The following PLEKHG3 variants were observed in gnomAD, a reference collection of about 807,000 sequenced individuals.
PLEKHG3 encodes the protein pleckstrin homology domain-containing family G member 3.
A neutral mutation model predicts 94.9 loss-of-function variants in PLEKHG3; 62 were observed. The observed-to-expected ratio is 0.65, with a 90% confidence interval of 0.53 to 0.81. The LOEUF (loss-of-function observed/expected upper bound fraction) is 0.81. Among genes scored for constraint, PLEKHG3 ranks in the 30% least tolerant of loss-of-function variants. The pLI is 0.00. For synonymous variants in PLEKHG3, 614 were observed against 654.0 expected, an observed-to-expected ratio of 0.94 and a Z score of 0.93; for missense variants, 1,461 against 1,619.3, an observed-to-expected ratio of 0.90 and a Z score of 1.68.
chr14:64,729,309 G>C (rs28685073), intron 3 of PLEKHG3, among the ~76,000 whole-genome samples: 5,289 of 152,272 alleles, frequency 0.035, 321 homozygotes, highest in African/African-American at 0.12. Flanking sequence ...TTGTGTGCAT[G>C]TTGGGTCCAT....
Position 64,722,795 on chromosome 14 carries a change from A to G in PLEKHG3, c.-39-4798A>G, listed in dbSNP as rs1313031302. 4.0e-5 allele frequency among the ~76,000 whole-genome samples: 6 copies of G among 151,866 alleles called. No individual in the cohort carries two copies. The highest frequency in any genetic ancestry group is 4.4e-5 in the Non-Finnish European group (3 of 67,962). ...CTTCCCCTCTCCTGCCTTGTCCTCA[A>G]CTCACTGGCCTGGGAGGGAGAGCCA... On this transcript the variant is annotated intron_variant, in intron 1 of 16. Coordinates refer to ENST00000247226, the MANE Select transcript of PLEKHG3 (RefSeq NM_001308147.2). The surrounding 1 kb of genome is among the most constrained non-coding windows in gnomAD (Gnocchi z 4.3).
At position 64,741,458 on chromosome 14, in the gene PLEKHG3, C is replaced by T. The variant is rs951951524; in HGVS notation, c.1941C>T (p.Ser647=). 11 of 1,612,656 alleles carry T rather than the reference C, an allele frequency of 6.8e-6. No individual in the cohort carries two copies. The highest frequency in any genetic ancestry group is 1.6e-4 in the Middle Eastern group (1 of 6,062). ...RSSSVLSLEG[S]EKGLARHGSA... ...GCAGCGTGCTCAGCCTGGAGGGCAGCGAGAAGGGCCTGGCCCGGCATGGCA... is the reference window on the plus strand; with the variant it reads ...GCAGCGTGCTCAGCCTGGAGGGCAGTGAGAAGGGCCTGGCCCGGCATGGCA... Residue 647 remains serine (S), a synonymous_variant, in exon 16 of 17, where the codon AGC becomes AGT. Transcript: ENST00000247226.
chr14:64,737,721 C>A, intron 14 of PLEKHG3: 1 of 386,460 alleles, frequency 2.6e-6, no homozygotes, highest in Non-Finnish European at 4.6e-6. Context: ...AATGCCCACC[C>A]CTCCCTGGAC....
intron 1 of PLEKHG3, among the ~76,000 whole-genome samples, chr14:64,708,134 G>A (rs2081002819): frequency 1.3e-5 from 2 of 152,170 alleles, no homozygotes; most frequent in Admixed American, 6.5e-5. Flanking sequence ...TTCTGGTTAG[G>A]GAGGCTTTCC....
intron 1 of PLEKHG3, among the ~76,000 whole-genome samples, chr14:64,714,000 C>T (rs902383347): frequency 3.9e-5 from 6 of 151,964 alleles, no homozygotes; most frequent in African/African-American, 1.4e-4. Flanking sequence ...CTACCATCTT[C>T]TTTTATTAAG....
At chr14:64,719,001 G>A (rs1213073858) in intron 1 of PLEKHG3, among the ~76,000 whole-genome samples, 3 of 152,250 alleles carry the variant, frequency 2.0e-5, no homozygotes, top group Admixed American at 1.3e-4. Context: ...AGAGGAATGC[G>A]CCTCTGGGAT....
rs148981618 is a variant in PLEKHG3, at chr14:64,731,020, C to T, written c.718-18C>T. The T allele has an allele frequency of 1.3e-5, 21 of 1,613,960 alleles. No individual in the cohort carries two copies. The East Asian group carries it at 2.7e-4, about 21-fold the overall frequency. On this transcript the variant is annotated intron_variant, in intron 6 of 16. Coordinates refer to ENST00000247226, the MANE Select transcript of PLEKHG3 (RefSeq NM_001308147.2). This position sits in a 1 kb window ranked among gnomAD's most constrained non-coding sequence, Gnocchi z 6.1. Reference sequence around the variant, plus strand: ...GGCCTTCGGGTCAGGGGCACCTAAGCGTCTATCTTCTGCGCAGGAAATTGC... The same window carrying T: ...GGCCTTCGGGTCAGGGGCACCTAAGTGTCTATCTTCTGCGCAGGAAATTGC...
intron 1 of PLEKHG3, among the ~76,000 whole-genome samples, chr14:64,708,256 T>A (rs897615628): frequency 5.1e-4 from 78 of 152,128 alleles, no homozygotes; most frequent in Non-Finnish European, 1.8e-4. Context: ...ACCCCCCTCT[T>A]GCTCTGGAAT....
rs1413823443 is a variant in PLEKHG3, at chr14:64,725,138, A to G, written c.-39-2455A>G. Among the ~76,000 whole-genome samples, 1 of 152,218 alleles carries G rather than the reference A, an allele frequency of 6.6e-6. No individual in the cohort carries two copies. Among genetic ancestry groups the G allele is most frequent in the African/African-American group, 2.4e-5 (1 of 41,464 alleles). On this transcript the variant is annotated intron_variant, in intron 1 of 16. Transcript: ENST00000247226. The surrounding 1 kb of genome is among the most constrained non-coding windows in gnomAD (Gnocchi z 5.0). ...GCTATCCTCTTACAGTGGGATCCCC[A>G]GAGAGGGACCCTCAAAAGGTCCCTT...
rs759388808 is a variant in PLEKHG3, at chr14:64,743,563, C to T, written c.3520C>T (p.Leu1174=). 1 of 1,612,936 alleles carries T rather than the reference C, an allele frequency of 6.2e-7. No homozygotes were observed. The highest frequency in any genetic ancestry group is 8.5e-7 in the Non-Finnish European group (1 of 1,179,910). The part of the protein sequence containing the change: ...GQGPSSPVAL[L]GQVQDFQQSA... ...GGGACCAAGCTCACCGGTGGCCCTG[C>T]TGGGGCAGGTTCAGGACTTCCAGCA... Residue 1174 remains leucine (L), a synonymous_variant, in exon 17 of 17, where the codon CTG becomes TTG. Coordinates refer to ENST00000247226, the MANE Select transcript of PLEKHG3 (RefSeq NM_001308147.2). The surrounding 1 kb of genome is among the most constrained non-coding windows in gnomAD (Gnocchi z 7.2).
Position 64,728,115 on chromosome 14 carries a change from G to A in PLEKHG3, c.351+133G>A, listed in dbSNP as rs1010365889. On this transcript the variant is annotated intron_variant, in intron 2 of 16. Coordinates refer to ENST00000247226, the MANE Select transcript of PLEKHG3 (RefSeq NM_001308147.2). This position sits in a 1 kb window ranked among gnomAD's most constrained non-coding sequence, Gnocchi z 5.9. ...GTCTCCCACCCTCGCTGACTGCACT[G>A]TGAAAGCTGTTGACCCCTGAGGCTT... 6.4e-6 allele frequency: 4 copies of A among 625,482 alleles called. No homozygotes were observed. In the Admixed American group the frequency reaches 9.3e-5, roughly 15 times the overall value. 38.7% of individuals were successfully genotyped at this position (625,482 alleles called of 1,614,324 possible). A position where few individuals can be genotyped will look rare whatever the true frequency, so the allele number is the denominator to read the frequency against.
Position 64,749,541 on chromosome 14 carries a change from A to G in PLEKHG3, c.*5838A>G. On this transcript the variant is annotated 3_prime_UTR_variant, in exon 17 of 17. Coordinates refer to ENST00000247226, the MANE Select transcript of PLEKHG3 (RefSeq NM_001308147.2). The surrounding 1 kb of genome is among the most constrained non-coding windows in gnomAD (Gnocchi z 4.7). ...CCCCCACCTCCCGGGCCAGGCAACA[A>G]TGGTGGGGGCTCTTGGGACTGCCCC... 6.2e-7 allele frequency: 1 copy of G among 1,600,892 alleles called. No individual in the cohort carries two copies. The highest frequency in any genetic ancestry group is 8.5e-7 in the Non-Finnish European group (1 of 1,178,000).
Position 64,718,346 on chromosome 14 carries a change from T to C in PLEKHG3, c.-39-9247T>C, listed in dbSNP as rs2081204656. ...AGGCCCTGGCATTCATGTTCAGGAG[T>C]GTTGAATGAATTCCCAAACTGGAGG... On this transcript the variant is annotated intron_variant, in intron 1 of 16. Transcript: ENST00000247226. This position sits in a 1 kb window ranked among gnomAD's most constrained non-coding sequence, Gnocchi z 5.0. 6.6e-6 allele frequency among the ~76,000 whole-genome samples: 1 copy of C among 152,166 alleles called. No homozygotes were observed. Among genetic ancestry groups the C allele is most frequent in the African/African-American group, 2.4e-5 (1 of 41,430 alleles).
rs775053928 is a variant in PLEKHG3, at chr14:64,732,417, TC to T, written c.1213-6del. 4 of 1,612,382 alleles carry T rather than the reference TC, an allele frequency of 2.5e-6. No individual in the cohort carries two copies. In the South Asian group the frequency reaches 4.4e-5, roughly 18 times the overall value. On this transcript the variant is annotated splice_polypyrimidine_tract_variant and intron_variant, in intron 10 of 16. Transcript: ENST00000247226. The surrounding 1 kb of genome is among the most constrained non-coding windows in gnomAD (Gnocchi z 4.9). ...AAGGTAATAACCAGGTGTGTTTCCT[TC>T]CCCTTCAGGCCAAGGAAGCCATCTT...
chr14:64,742,489 A>G lies in PLEKHG3; in HGVS notation c.2938+34A>G, dbSNP rs984409065. ...GAAGCGGCAAGTGGGCCCTTCCCCAAGTCTAGGGACTGAAGAGTCAATAAG... is the reference window on the plus strand; with the variant it reads ...GAAGCGGCAAGTGGGCCCTTCCCCAGGTCTAGGGACTGAAGAGTCAATAAG... On this transcript the variant is annotated intron_variant, in intron 16 of 16. Transcript: ENST00000247226. 3.3e-6 allele frequency: 5 copies of G among 1,497,802 alleles called. No individual in the cohort carries two copies. The African/African-American group carries it at 4.2e-5, about 12-fold the overall frequency. 92.8% of individuals were successfully genotyped at this position (1,497,802 alleles called of 1,614,324 possible).
chr14:64,706,817 A>G (rs1019726073), intron 1 of PLEKHG3, among the ~76,000 whole-genome samples: 2 of 152,246 alleles, frequency 1.3e-5, no homozygotes, highest in Admixed American at 6.5e-5. Context: ...TTGCAGAGGT[A>G]TGCCTTGCCC....
Position 64,720,156 on chromosome 14 carries a change from A to G in PLEKHG3, c.-39-7437A>G, listed in dbSNP as rs2081237938. On this transcript the variant is annotated intron_variant, in intron 1 of 16. Coordinates refer to ENST00000247226, the MANE Select transcript of PLEKHG3 (RefSeq NM_001308147.2). This position sits in a 1 kb window ranked among gnomAD's most constrained non-coding sequence, Gnocchi z 4.1. Reference sequence around the variant, plus strand: ...AGATTGCTTTTCCTGGGACATTTGCAGGGAGACCAGATCATCACAGCCCCT... The same window carrying G: ...AGATTGCTTTTCCTGGGACATTTGCGGGGAGACCAGATCATCACAGCCCCT... Among the ~76,000 whole-genome samples, 1 of 152,250 alleles carries G rather than the reference A, an allele frequency of 6.6e-6. No homozygotes were observed. Among genetic ancestry groups the G allele is most frequent in the Non-Finnish European group, 1.5e-5 (1 of 68,044 alleles).
chr14:64,718,290 A>G lies in PLEKHG3; in HGVS notation c.-39-9303A>G, dbSNP rs2081203691. On this transcript the variant is annotated intron_variant, in intron 1 of 16. Transcript: ENST00000247226. This position sits in a 1 kb window ranked among gnomAD's most constrained non-coding sequence, Gnocchi z 5.0. ...TCTGAAGTTCAAGTTCTTCAAAGAC[A>G]GGGACAATGTCTTTTTCATGTCATA... Among the ~76,000 whole-genome samples, 1 of 152,222 alleles carries G rather than the reference A, an allele frequency of 6.6e-6. No homozygotes were observed. Among genetic ancestry groups the G allele is most frequent in the Non-Finnish European group, 1.5e-5 (1 of 68,046 alleles).
rs58480790 is a variant in PLEKHG3 at position 64,716,496 on chromosome 14, A to AACACACACACACACACACAC, written c.-39-11061_-39-11042dup. 2.3e-4 allele frequency among the ~76,000 whole-genome samples: 18 copies of AACACACACACACACACACAC among 79,542 alleles called. No individual in the cohort carries two copies. Among genetic ancestry groups the AACACACACACACACACACAC allele is most frequent in the African/African-American group, 5.1e-4 (10 of 19,656 alleles). The allele number at this position is 79,542 out of a possible 152,430, so 52.2% of individuals were successfully genotyped here. A position where few individuals can be genotyped will look rare whatever the true frequency, so the allele number is the denominator to read the frequency against. On this transcript the variant is annotated intron_variant, in intron 1 of 16. Transcript: ENST00000247226. The surrounding 1 kb of genome is among the most constrained non-coding windows in gnomAD (Gnocchi z 5.0). ...ACACACACACAACACACACACACAC[A>AACACACACACACACACACAC]ACACACACACACACACACACACACA...
Sources: gnomAD v4.1 joint callset for allele counts (sites outside exome capture counted in the v4.1 genomes callset) on GRCh38, gnomAD v4.1.1 for gene constraint, Gnocchi (gnomAD v3.1) non-coding constraint, MANE v1.5 for transcripts, NCBI Gene and HGNC (gene_info 2026-07-23, HGNC 2026-07-21) for gene names.